ADCY5: variants seen among roughly 807,000 people sequenced by gnomAD.
The protein encoded by ADCY5 is adenylate cyclase type 5.
ADCY5 carries 30 observed loss-of-function variants against 119.7 expected under a neutral mutation model. That is an observed-to-expected ratio of 0.25 (90% CI 0.19 to 0.34). ADCY5 has a LOEUF of 0.34. Ranked by LOEUF, ADCY5 falls within the 10% of genes least tolerant of loss-of-function variation. The pLI is 1.00. For synonymous variants in ADCY5, 753 were observed against 762.2 expected, an observed-to-expected ratio of 0.99 and a Z score of 0.20; for missense variants, 1,324 against 1,775.2, an observed-to-expected ratio of 0.75 and a Z score of 4.57.
intron 1 of ADCY5, among the ~76,000 whole-genome samples, chr3:123,413,905 C>T (rs1433330864): frequency 1.3e-5 from 2 of 152,158 alleles, no homozygotes; most frequent in African/African-American, 2.4e-5. Flanking sequence ...AGGAACTGCA[C>T]CCCAGCCCAG....
Position 123,291,217 on chromosome 3 carries a change from C to T in ADCY5, c.3223G>A (p.Ala1075Thr), listed in dbSNP as rs768838071. ...AACTCGGAGAAGTTGGCGATGGAGG[C>T]GAACATGACCGCCACACACTCACAG... is the stretch of plus-strand genomic sequence containing the variant. ...QSCECVAVMF[A>T]SIANFSEFYV... is the part of the protein sequence containing the mutation. Residue 1075 changes from alanine (A) to threonine (T), a missense_variant, in exon 18 of 21, where the codon GCC (alanine) becomes ACC (threonine). Around this residue, in one of 6 missense-constraint regions of ADCY5, gnomAD observed 178 missense variants for 329.6 expected, o/e 0.54. Transcript: ENST00000462833. 1.2e-6 allele frequency: 2 copies of T among 1,614,066 alleles called. No individual in the cohort carries two copies. Among genetic ancestry groups the T allele is most frequent in the Non-Finnish European group, 1.7e-6 (2 of 1,180,038 alleles).
At chr3:123,351,573 C>T (rs997912269) in intron 2 of ADCY5, among the ~76,000 whole-genome samples, 1 of 152,126 alleles carries the variant, frequency 6.6e-6, no homozygotes, top group African/African-American at 2.4e-5. Context: ...CTCACAGGAG[C>T]TAGTGGGAGC....
Position 123,303,327 on chromosome 3 carries a change from C to G in ADCY5, c.2560-108G>C, listed in dbSNP as rs73856901. The G allele has an allele frequency of 7.9e-4, 947 of 1,200,348 alleles. 7 individuals are homozygous for G. The African/African-American group carries it at 0.014, about 17-fold the overall frequency. The allele number at this position is 1,200,348 out of a possible 1,614,324, so 74.4% of individuals were successfully genotyped here. A position where few individuals can be genotyped will look rare whatever the true frequency, so the allele number is the denominator to read the frequency against. On this transcript the variant is annotated intron_variant, in intron 13 of 20. Transcript: ENST00000462833. ...TCCCGCCTGTCCTCCGCCTCAGGTG[C>G]AGCATGACACTGATGGGGACAAAAT...
At chr3:123,360,060 T>G (rs77580064) in intron 1 of ADCY5, among the ~76,000 whole-genome samples, 1 of 138,660 alleles carries the variant, frequency 7.2e-6, no homozygotes, top group Non-Finnish European at 1.6e-5. Context: ...AGGTGCTTAA[T>G]GTTTTTTTTT....
chr3:123,353,579 C>T (rs1000563690), intron 1 of ADCY5, among the ~76,000 whole-genome samples: 2 of 152,054 alleles, frequency 1.3e-5, no homozygotes, highest in Non-Finnish European at 2.9e-5. Context: ...AGTCCCAGCT[C>T]CAGAAAAGGA....
At chr3:123,338,559 G>T (rs1942131544) in intron 3 of ADCY5, among the ~76,000 whole-genome samples, 2 of 152,348 alleles carry the variant, frequency 1.3e-5, no homozygotes, top group South Asian at 4.1e-4. Context: ...CGTGCAGGAA[G>T]GTGCTAATTC....
intron 11 of ADCY5, 96 bp from the exon 12 acceptor site, chr3:123,314,418 G>A (rs112573312): frequency 6.4e-5 from 59 of 927,188 alleles, no homozygotes; most frequent in African/African-American, 4.7e-4. Context: ...CAGGTCCCCC[G>A]TGCCCATCCT....
At chr3:123,440,598 A>C (rs536697133) in intron 1 of ADCY5, among the ~76,000 whole-genome samples, 1 of 151,374 alleles carries the variant, frequency 6.6e-6, no homozygotes, top group South Asian at 2.1e-4. Context: ...CTTCCTTCAC[A>C]CCACCTCGGA....
intron 1 of ADCY5, among the ~76,000 whole-genome samples, chr3:123,439,257 T>C (rs768255275): frequency 5.3e-5 from 8 of 151,346 alleles, no homozygotes; most frequent in Non-Finnish European, 1.2e-4. Flanking sequence ...AGAGACGGGG[T>C]TTCACCGTGT....
intron 1 of ADCY5, among the ~76,000 whole-genome samples, 162 bp downstream of exon 1, chr3:123,447,250 T>C (rs910246978): frequency 5.3e-5 from 8 of 152,166 alleles, no homozygotes; most frequent in African/African-American, 1.4e-4. Flanking sequence ...CCGCTGGGGC[T>C]CAGAGTGGGG....
At chr3:123,416,991 C>T (rs1010601288) in intron 1 of ADCY5, among the ~76,000 whole-genome samples, 2 of 152,154 alleles carry the variant, frequency 1.3e-5, no homozygotes, top group African/African-American at 4.8e-5. Flanking sequence ...CTCATCCGAC[C>T]CCAATCCTCT....
chr3:123,399,052 C>T (rs1414437967), intron 1 of ADCY5, among the ~76,000 whole-genome samples: 1 of 152,196 alleles, frequency 6.6e-6, no homozygotes, highest in African/African-American at 2.4e-5. Context: ...TCCATACCCT[C>T]CCCAAGCTTC....
chr3:123,420,362 G>C (rs1379384692), intron 1 of ADCY5: 1 of 152,278 alleles, frequency 6.6e-6, no homozygotes, highest in Non-Finnish European at 1.5e-5. Context: ...AAGACGGGTA[G>C]AGATGCTCAG....
intron 3 of ADCY5, among the ~76,000 whole-genome samples, chr3:123,333,747 A>T (rs1289356825): frequency 6.6e-6 from 1 of 152,220 alleles, no homozygotes; most frequent in African/African-American, 2.4e-5. Flanking sequence ...CCTGGGGAAG[A>T]GAAGCCTTTT....
chr3:123,304,608 C>A (rs960068038), intron 12 of ADCY5, among the ~76,000 whole-genome samples: 1 of 151,878 alleles, frequency 6.6e-6, no homozygotes, highest in Non-Finnish European at 1.5e-5. Flanking sequence ...GAGTGGGCAG[C>A]GGTGAGTTTA....
At chr3:123,356,762 T>C (rs1943053723) in intron 1 of ADCY5, among the ~76,000 whole-genome samples, 1 of 152,158 alleles carries the variant, frequency 6.6e-6, no homozygotes, top group Non-Finnish European at 1.5e-5. Flanking sequence ...TGAGAAATGG[T>C]CCAGCTACTT....
At chr3:123,431,266 GGCCACA>G (rs1945516331) in intron 1 of ADCY5, among the ~76,000 whole-genome samples, 1 of 152,178 alleles carries the variant, frequency 6.6e-6, no homozygotes, top group East Asian at 1.9e-4. Flanking sequence ...AGGGTATTAA[GGCCACA>G]GGTGTTTATA....
chr3:123,291,041 C>T lies in ADCY5; in HGVS notation c.3327+72G>A, dbSNP rs1186921802. 27 of 1,529,382 alleles carry T rather than the reference C, an allele frequency of 1.8e-5. No homozygotes were observed. In the East Asian group the frequency reaches 5.8e-4, roughly 33 times the overall value. The allele number at this position is 1,529,382 out of a possible 1,614,324, so 94.7% of individuals were successfully genotyped here. A position where few individuals can be genotyped will look rare whatever the true frequency, so the allele number is the denominator to read the frequency against. Reference sequence around the variant, plus strand: ...GGTAGAAGGGGGCGCCAGGTCTCTTCACATCCCTCCCATACCAGGGACTTG... The same window carrying T: ...GGTAGAAGGGGGCGCCAGGTCTCTTTACATCCCTCCCATACCAGGGACTTG... On this transcript the variant is annotated intron_variant, in intron 18 of 20. Coordinates refer to ENST00000462833, the MANE Select transcript of ADCY5 (RefSeq NM_183357.3).
At chr3:123,443,285 G>A (rs1470780477) in intron 1 of ADCY5, among the ~76,000 whole-genome samples, 1 of 152,106 alleles carries the variant, frequency 6.6e-6, no homozygotes, top group Non-Finnish European at 1.5e-5. Flanking sequence ...GGAGCCAGAG[G>A]TCGAGGTCCG....
Sources: gnomAD v4.1 joint callset for allele counts (sites outside exome capture counted in the v4.1 genomes callset) on GRCh38, gnomAD v4.1.1 for gene constraint, gnomAD v4.1.1 regional missense constraint, MANE v1.5 for transcripts, NCBI Gene and HGNC (gene_info 2026-07-23, HGNC 2026-07-21) for gene names.